Variants in ARPC1B observed in about 807,000 individuals in gnomAD.
ARPC1B encodes actin related protein 2/3 complex subunit 1B.
Under a neutral mutation model 46.0 loss-of-function variants are expected in ARPC1B, and 29 were observed. That is an observed-to-expected ratio of 0.63 (90% CI 0.47 to 0.86). The LOEUF is 0.86. Ranked by LOEUF, ARPC1B falls within the 40% of genes least tolerant of loss-of-function variation. The pLI is 0.00. For synonymous variants in ARPC1B, 201 were observed against 213.9 expected, an observed-to-expected ratio of 0.94 and a Z score of 0.53; for missense variants, 469 against 529.4, an observed-to-expected ratio of 0.89 and a Z score of 1.12.
At chr7:99,384,942 C>T (rs1171975521) in intron 1 of ARPC1B, among the ~76,000 whole-genome samples, 1 of 148,384 alleles carries the variant, frequency 6.7e-6, no homozygotes, top group Non-Finnish European at 1.5e-5. Context: ...CAGGTGCCAC[C>T]ACACCTGGCT....
chr7:99,380,456 G>C (rs759100394), intron 1 of ARPC1B, among the ~76,000 whole-genome samples: 16 of 152,152 alleles, frequency 1.1e-4, no homozygotes, highest in Non-Finnish European at 2.2e-4. Flanking sequence ...CAACAGACTA[G>C]GAAGTATTTC....
rs186252103 is a variant in ARPC1B at position 99,380,715 on chromosome 7, G to A, written c.-13-4987G>A. Among the ~76,000 whole-genome samples, 563 of 152,344 alleles carry A rather than the reference G, an allele frequency of 3.7e-3. 1 individual carries two copies. The highest frequency in any genetic ancestry group is 6.8e-3 in the Middle Eastern group (2 of 294). ...GTCTTGACAGCCAGGGCAGAGATGTGGCTGGGCACACAGCAAGAATGTGAC... is the reference window on the plus strand; with the variant it reads ...GTCTTGACAGCCAGGGCAGAGATGTAGCTGGGCACACAGCAAGAATGTGAC... On this transcript the variant is annotated intron_variant, in intron 1 of 9. Transcript: ENST00000646101.
intron 4 of ARPC1B, chr7:99,389,605 C>T: frequency 3.1e-6 from 1 of 324,666 alleles, no homozygotes. Flanking sequence ...TGCATCCCAC[C>T]ATGGCCAGTT....
At position 99,390,942 on chromosome 7, in the gene ARPC1B, C is replaced by T. The variant is rs1257533356; in HGVS notation, c.550C>T (p.Pro184Ser). ...KEVEERPAPTPWGSKMPFGEL... is the reference protein window; with the variant it reads ...KEVEERPAPTSWGSKMPFGEL... ...GGTGGAGGAACGGCCGGCACCCACC[C>T]CGTGGGGCTCCAAGATGCCCTTTGG... is the stretch of plus-strand genomic sequence containing the variant. The change falls in exon 6 of 10, where the codon CCG becomes TCG. Residue 184 changes from proline (P) to serine (S), a missense_variant. Physicochemically the swap from Pro to Ser is moderately conservative, Grantham distance 74. Transcript: ENST00000646101. 6 of 1,613,274 alleles carry T rather than the reference C, an allele frequency of 3.7e-6. No individual in the cohort carries two copies. The East Asian group carries it at 1.3e-4, about 36-fold the overall frequency.
intron 1 of ARPC1B, 97 bp from the exon 2 acceptor site, chr7:99,385,605 G>A (rs1220526663): frequency 9.5e-7 from 1 of 1,051,084 alleles, no homozygotes; most frequent in Non-Finnish European, 1.4e-6. Flanking sequence ...GGCCTCCCTG[G>A]TGTGAGGCCT....
intron 1 of ARPC1B, chr7:99,376,332 C>G (rs1441907743): frequency 4.6e-5 from 7 of 152,194 alleles, no homozygotes; most frequent in African/African-American, 1.7e-4. Context: ...AAAATGGGAA[C>G]CTTAAAGACT....
chr7:99,376,511 C>T (rs988068916), intron 1 of ARPC1B: 3 of 152,140 alleles, frequency 2.0e-5, no homozygotes, highest in Admixed American at 6.6e-5. Context: ...TAGTAGAAGC[C>T]GAGTGACTTT....
At chr7:99,393,888 ACTT>A (rs1481118911) in intron 8 of ARPC1B, 138 bp from the exon 9 acceptor site, 6 of 774,090 alleles carry the variant, frequency 7.8e-6, no homozygotes, top group Non-Finnish European at 1.3e-5. Flanking sequence ...GGCAGAACTG[ACTT>A]CTAAGCCCAC....
chr7:99,385,883 G>A, intron 2 of ARPC1B, 105 bp downstream of exon 2: 2 of 1,204,908 alleles, frequency 1.7e-6, no homozygotes, highest in Non-Finnish European at 2.3e-6. Context: ...CCCGGACCAT[G>A]GGCTCCATGT....
intron 4 of ARPC1B, chr7:99,389,575 G>A: frequency 3.7e-6 from 1 of 272,780 alleles, no homozygotes; most frequent in Non-Finnish European, 7.2e-6. Context: ...CCAGCCAGGA[G>A]CATCTGAGAG....
At position 99,382,993 on chromosome 7, in the gene ARPC1B, C is replaced by T. The variant is rs183693161; in HGVS notation, c.-13-2709C>T. ...CCAAGTAGCTGGGACTACAGGTGTG[C>T]GCCACCACGCCCAGCTAATTTTTGT... On this transcript the variant is annotated intron_variant, in intron 1 of 9. Transcript: ENST00000646101. Among the ~76,000 whole-genome samples the T allele has an allele frequency of 4.6e-3, 703 of 151,650 alleles. 3 individuals carry two copies. The highest frequency in any genetic ancestry group is 0.015 in the African/African-American group (618 of 41,378).
At chr7:99,383,427 G>A (rs997638227) in intron 1 of ARPC1B, among the ~76,000 whole-genome samples, 50 of 152,162 alleles carry the variant, frequency 3.3e-4, no homozygotes, top group African/African-American at 1.2e-3. Flanking sequence ...CCTACTATGT[G>A]CTAAGCATTT....
intron 1 of ARPC1B, among the ~76,000 whole-genome samples, chr7:99,382,418 AAG>A (rs200521537): frequency 1.3e-5 from 2 of 151,764 alleles, no homozygotes; most frequent in African/African-American, 4.8e-5. Context: ...AAAAAAAAAA[AAG>A]GATACTTTTT....
intron 5 of ARPC1B, 113 bp from the exon 6 acceptor site, chr7:99,390,780 C>T: frequency 1.1e-6 from 1 of 892,468 alleles, no homozygotes; most frequent in Non-Finnish European, 1.7e-6. Flanking sequence ...TCACTGCAGC[C>T]TTGACCTCCT....
intron 1 of ARPC1B, among the ~76,000 whole-genome samples, chr7:99,375,823 G>C (rs779260035): frequency 6.6e-6 from 1 of 152,150 alleles, no homozygotes; most frequent in Non-Finnish European, 1.5e-5. Context: ...AACACTTTGG[G>C]AGTCGAGGTG....
rs956044812 is a variant in ARPC1B, at chr7:99,386,262, AAG to A, written c.65-417_65-416del. On this transcript the variant is annotated intron_variant, in intron 2 of 9. Coordinates refer to ENST00000646101, the MANE Select transcript of ARPC1B (RefSeq NM_005720.4). ...CGAGACTCTGTCTCAAAAAAAAAAAAAGAGAGAAAGAAAGAAAGAAAAAGTGA... is the reference window on the plus strand; with the variant it reads ...CGAGACTCTGTCTCAAAAAAAAAAAAAGAGAAAGAAAGAAAGAAAAAGTGA... 2.2e-5 allele frequency: 8 copies of A among 357,076 alleles called. No individual in the cohort carries two copies. The East Asian group carries it at 3.6e-4, about 16-fold the overall frequency. 22.1% of individuals were successfully genotyped at this position (357,076 alleles called of 1,614,324 possible).
chr7:99,389,578 T>A (rs916784206), intron 4 of ARPC1B: 3 of 275,344 alleles, frequency 1.1e-5, no homozygotes, highest in African/African-American at 6.7e-5. Context: ...GCCAGGAGCA[T>A]CTGAGAGACC....
At chr7:99,384,967 T>TC (rs1794339393) in intron 1 of ARPC1B, among the ~76,000 whole-genome samples, 1 of 129,358 alleles carries the variant, frequency 7.7e-6, no homozygotes, top group East Asian at 2.2e-4. Context: ...TTTTTTTTTT[T>TC]TTTTTTTTTT....
intron 7 of ARPC1B, among the ~76,000 whole-genome samples, chr7:99,391,547 C>A (rs1794571133): frequency 6.6e-6 from 1 of 152,022 alleles, no homozygotes; most frequent in Admixed American, 6.6e-5. Context: ...GAGTTTGAGA[C>A]CAGCCCGGGC....
Sources: allele counts gnomAD v4.1 joint callset (sites outside exome capture counted in the v4.1 genomes callset), GRCh38; gene constraint gnomAD v4.1.1; transcripts MANE v1.5; gene names NCBI Gene and HGNC (gene_info 2026-07-23, HGNC 2026-07-21).